LRGUK: variants seen among roughly 807,000 people sequenced by gnomAD.
The protein encoded by LRGUK is leucine rich repeats and guanylate kinase domain containing.
A neutral mutation model predicts 76.0 loss-of-function variants in LRGUK; 65 were observed. That is an observed-to-expected ratio of 0.85 (90% confidence interval 0.70 to 1.05). The LOEUF (loss-of-function observed/expected upper bound fraction) is 1.05, where lower values mean the gene tolerates loss of function less well. LRGUK is among the 50% of genes least tolerant of loss of function. The pLI is 0.00. For synonymous variants in LRGUK, 268 were observed against 265.6 expected, an observed-to-expected ratio of 1.01 and a Z score of -0.09; for missense variants, 758 against 732.8, an observed-to-expected ratio of 1.03 and a Z score of -0.40.
intron 14 of LRGUK, among the ~76,000 whole-genome samples, chr7:134,201,270 G>T (rs1800755070): frequency 6.6e-6 from 1 of 152,120 alleles, no homozygotes; most frequent in Non-Finnish European, 1.5e-5. Flanking sequence ...TCGTGGAGGT[G>T]GTATCTCATT....
chr7:134,228,492 G>A (rs1000288503), intron 16 of LRGUK, among the ~76,000 whole-genome samples: 1 of 151,924 alleles, frequency 6.6e-6, no homozygotes, highest in Non-Finnish European at 1.5e-5. Flanking sequence ...AAACAGCAAT[G>A]GCTTTAACAA....
exon 2 of LRGUK, chr7:134,137,086 T>C: frequency 6.2e-7 from 1 of 1,613,328 alleles, no homozygotes; most frequent in Non-Finnish European, 8.5e-7. Context: ...CTTGGGGCGC[T>C]CAGGCTCTGG....
intron 1 of LRGUK, 128 bp downstream of exon 1, chr7:134,127,792 G>C: frequency 9.6e-7 from 1 of 1,047,018 alleles, no homozygotes; most frequent in Non-Finnish European, 1.4e-6. Context: ...CTCGCCTCCA[G>C]GAACGCCTCT....
chr7:134,166,485 GCTGT>G (rs1161874509), intron 7 of LRGUK, among the ~76,000 whole-genome samples: 2 of 152,044 alleles, frequency 1.3e-5, no homozygotes, highest in Non-Finnish European at 2.9e-5. Flanking sequence ...TTCGAAAAAC[GCTGT>G]CTTACTTCTC....
At chr7:134,131,276 C>A (rs1272078030) in intron 1 of LRGUK, among the ~76,000 whole-genome samples, 1 of 152,020 alleles carries the variant, frequency 6.6e-6, no homozygotes, top group Non-Finnish European at 1.5e-5. Context: ...AATAGACTTT[C>A]AAAAAATTAT....
At chr7:134,141,194 T>G (rs749446225) in intron 3 of LRGUK, among the ~76,000 whole-genome samples, 26 of 152,134 alleles carry the variant, frequency 1.7e-4, no homozygotes, top group Non-Finnish European at 3.4e-4. Context: ...AAGCCTCCTG[T>G]GTGTAAAGTA....
intron 1 of LRGUK, among the ~76,000 whole-genome samples, chr7:134,134,049 GAGACCATGCCTAAAAAAAAA>G (rs1291856753): frequency 6.7e-6 from 1 of 150,176 alleles, no homozygotes; most frequent in African/African-American, 2.4e-5. Flanking sequence ...GTGACAGAGC[GAGACCATGCCTAAAAAAAAA>G]AGAAAAAGAA....
At chr7:134,180,965 A>G (rs1407448407) in intron 10 of LRGUK, among the ~76,000 whole-genome samples, 1 of 152,176 alleles carries the variant, frequency 6.6e-6, no homozygotes, top group Non-Finnish European at 1.5e-5. Flanking sequence ...CCTATTCTAT[A>G]TATTTCATAT....
intron 7 of LRGUK, among the ~76,000 whole-genome samples, chr7:134,169,541 T>C (rs551143461): frequency 6.6e-6 from 1 of 152,202 alleles, no homozygotes; most frequent in African/African-American, 2.4e-5. Context: ...CTGCTTTTTA[T>C]GTTTTATTGA....
At chr7:134,157,386 C>G (rs1445274575) in intron 5 of LRGUK, among the ~76,000 whole-genome samples, 1 of 152,204 alleles carries the variant, frequency 6.6e-6, no homozygotes, top group South Asian at 2.1e-4. Flanking sequence ...GAAGTTCTGC[C>G]TGTGGGAACA....
chr7:134,214,548 T>G (rs78794701), downstream of LRGUK, among the ~76,000 whole-genome samples: 7,173 of 152,218 alleles, frequency 0.047, 373 homozygotes, highest in East Asian at 0.15. Context: ...GAATATTATG[T>G]TGTCATTATA....
At chr7:134,273,773 A>G in the LRGUK span, among the ~76,000 whole-genome samples, 1 of 152,100 alleles carries the variant, frequency 6.6e-6, no homozygotes, top group Non-Finnish European at 1.5e-5. Flanking sequence ...CTTATTTTTT[A>G]TTAGTATTTC....
chr7:134,198,328 T>C (rs1800601385), intron 13 of LRGUK, among the ~76,000 whole-genome samples: 2 of 152,200 alleles, frequency 1.3e-5, no homozygotes, highest in Admixed American at 1.3e-4. Flanking sequence ...TCTTTCACTG[T>C]TTTTCTCCCT....
chr7:134,247,483 AATT>A (rs1245424634), intron 16 of LRGUK, 70 bp from the exon 17 acceptor site: 1 of 1,113,656 alleles, frequency 9.0e-7, no homozygotes, highest in Non-Finnish European at 1.3e-6. Context: ...TACCAAAGAG[AATT>A]ATTATAGATG....
At chr7:134,189,186 T>G (rs1800096565) in intron 11 of LRGUK, among the ~76,000 whole-genome samples, 4 of 152,214 alleles carry the variant, frequency 2.6e-5, no homozygotes, top group Admixed American at 2.6e-4. Flanking sequence ...ACAGGGATTG[T>G]GGTTCCCATT....
At chr7:134,199,618 T>G (rs981374266) in intron 14 of LRGUK, among the ~76,000 whole-genome samples, 197 bp downstream of exon 14, 1 of 152,110 alleles carries the variant, frequency 6.6e-6, no homozygotes, top group Non-Finnish European at 1.5e-5. Flanking sequence ...AATTATTTCT[T>G]AAGATTGTAG....
rs541100095 is a variant in LRGUK at position 134,174,204 on chromosome 7, C to T, written c.940-352C>T. Reference sequence around the variant, plus strand: ...TGGGGGGCTGGAAGGCTAGGAATGGCGGTGGGGTGGGTAACCAGGTCATCC... The same window carrying T: ...TGGGGGGCTGGAAGGCTAGGAATGGTGGTGGGGTGGGTAACCAGGTCATCC... On this transcript the variant is annotated intron_variant, in intron 7 of 15. Transcript: ENST00000645682. Among the ~76,000 whole-genome samples, 52 of 151,228 alleles carry T rather than the reference C, an allele frequency of 3.4e-4. 1 individual carries two copies. In the South Asian group the frequency reaches 9.9e-3, roughly 29 times the overall value.
chr7:134,139,477 T>C (rs141790061), exon 3 of LRGUK: 12 of 1,610,830 alleles, frequency 7.4e-6, no homozygotes, highest in Non-Finnish European at 1.0e-5. Flanking sequence ...GTGGATATGT[T>C]CATCTACAGA....
chr7:134,262,646 T>C (rs1802759383), intron 19 of LRGUK, among the ~76,000 whole-genome samples: 1 of 152,072 alleles, frequency 6.6e-6, no homozygotes, highest in Admixed American at 6.5e-5. Context: ...GTTTAAAAGA[T>C]ATCCCCATGG....
Sources: allele counts gnomAD v4.1 joint callset (sites outside exome capture counted in the v4.1 genomes callset), GRCh38; gene constraint gnomAD v4.1.1; transcripts MANE v1.5; gene names NCBI Gene and HGNC (gene_info 2026-07-23, HGNC 2026-07-21).